The following AFAP1L2 variants were observed in gnomAD, a reference collection of about 807,000 sequenced individuals.
AFAP1L2 encodes the protein actin filament associated protein 1 like 2, also known as actin filament-associated protein 1-like 2.
A neutral mutation model predicts 99.3 loss-of-function variants in AFAP1L2; 46 were observed. The ratio of observed to expected loss-of-function variants is 0.46; its 90% CI spans 0.37 to 0.59. The LOEUF is 0.59. Among genes scored for constraint, AFAP1L2 ranks in the 20% least tolerant of loss-of-function variants. The pLI is 0.00. For synonymous variants in AFAP1L2, 397 were observed against 419.1 expected (o/e 0.95, Z 0.64); for missense variants, 959 against 1,034.9 (o/e 0.93, Z 1.01).
At chr10:114,352,547 C>T (rs1327037236) in intron 1 of AFAP1L2, among the ~76,000 whole-genome samples, 1 of 143,264 alleles carries the variant, frequency 7.0e-6, no homozygotes, top group Non-Finnish European at 1.5e-5. Context: ...TAAATTATGT[C>T]CTGGTAGACA....
rs2040047252 is a variant in AFAP1L2, at chr10:114,295,373, C to T, written c.*669G>A. 2 of 985,514 alleles carry T rather than the reference C, an allele frequency of 2.0e-6. No homozygotes were observed. Among genetic ancestry groups the T allele is most frequent in the African/African-American group, 3.5e-5 (2 of 57,202 alleles). 61.0% of individuals were successfully genotyped at this position (985,514 alleles called of 1,614,324 possible). ...AAATTTTATTTAAAGACAGTTGATTCAGGCCTGCCTTGGACTGGAAAGAAG... is the reference window on the plus strand; with the variant it reads ...AAATTTTATTTAAAGACAGTTGATTTAGGCCTGCCTTGGACTGGAAAGAAG... On this transcript the variant is annotated 3_prime_UTR_variant, in exon 19 of 19. Transcript: ENST00000304129.
At position 114,340,641 on chromosome 10, in the gene AFAP1L2, C is replaced by CAGCT. The variant is rs2048685859; in HGVS notation, c.103_106dup (p.Cys36Ter). 2 of 1,614,248 alleles carry CAGCT rather than the reference C, an allele frequency of 1.2e-6. No individual in the cohort carries two copies. Among genetic ancestry groups the CAGCT allele is most frequent in the East Asian group, 4.5e-5 (2 of 44,894 alleles). On this transcript the variant is annotated stop_gained and frameshift_variant, in exon 2 of 19. Transcript: ENST00000304129. LOFTEE classifies it high-confidence loss of function. ...GTAAAGCCGGAGGAGCTCCGCCAGG[C>CAGCT]AGCTCTTCTTCACCAGTGCTGTGCT...
intron 16 of AFAP1L2, 150 bp from the exon 17 acceptor site, chr10:114,297,563 C>T (rs1238421644): frequency 3.6e-6 from 3 of 836,824 alleles, no homozygotes; most frequent in Non-Finnish European, 5.5e-6. Flanking sequence ...GGCCTGTATG[C>T]CGGGGCAGCC....
At chr10:114,367,669 C>G (rs2053482478) in intron 1 of AFAP1L2, among the ~76,000 whole-genome samples, 1 of 152,170 alleles carries the variant, frequency 6.6e-6, no homozygotes, top group Non-Finnish European at 1.5e-5. Context: ...AATGAAGGCT[C>G]TGCTTGAACT....
chr10:114,361,396 A>T (rs926068032), intron 1 of AFAP1L2, among the ~76,000 whole-genome samples: 3 of 152,238 alleles, frequency 2.0e-5, no homozygotes, highest in African/African-American at 4.8e-5. Flanking sequence ...GCCTTAACCT[A>T]TCCCAGTCCA....
At chr10:114,327,147 T>TTATATATATATATATATATATATATC (rs2046426170) in intron 4 of AFAP1L2, among the ~76,000 whole-genome samples, 1 of 54,538 alleles carries the variant, frequency 1.8e-5, no homozygotes, top group Non-Finnish European at 4.9e-5. Flanking sequence ...TTATATATAT[T>TTATATATATATATATATATATATATC]TATATATATA....
chr10:114,319,716 G>A (rs1257469467), intron 5 of AFAP1L2: 1 of 1,132,142 alleles, frequency 8.8e-7, no homozygotes, highest in East Asian at 5.9e-5. Context: ...GCACGCCCAA[G>A]TGCAGAGACA....
At position 114,296,053 on chromosome 10, in the gene AFAP1L2, C is replaced by G. The variant is rs1564763940; in HGVS notation, c.2446G>C (p.Gly816Arg). The change falls in exon 19 of 19, where the codon GGA becomes CGA. Residue 816 changes from glycine to arginine, a missense_variant. Around this residue, in one of 2 missense-constraint regions of AFAP1L2, gnomAD observed 576 missense variants for 562.1 expected, o/e 1.02. Coordinates refer to ENST00000304129, the MANE Select transcript of AFAP1L2 (RefSeq NM_001001936.3). The stretch of plus-strand genomic sequence containing the variant: ...ATGAAGCTTGTTTTCTAACTTGCTC[C>G]TTTCTTCTCCCATTCCTAGGGTACC... ...LQKAKEWEKK[G>R]AS The G allele has an allele frequency of 6.2e-7, 1 of 1,614,132 alleles. No homozygotes were observed. The highest frequency in any genetic ancestry group is 1.3e-5 in the African/African-American group (1 of 75,048).
chr10:114,337,416 A>G (rs2048142488), intron 2 of AFAP1L2, among the ~76,000 whole-genome samples: 1 of 152,266 alleles, frequency 6.6e-6, no homozygotes, highest in African/African-American at 2.4e-5. Flanking sequence ...AGGGGTACAA[A>G]GAGGACCAGG....
intron 1 of AFAP1L2, among the ~76,000 whole-genome samples, chr10:114,365,453 A>C (rs1266743790): frequency 2.0e-5 from 3 of 152,228 alleles, no homozygotes; most frequent in Non-Finnish European, 4.4e-5. Context: ...CTAGAATGAA[A>C]ATATAAAATT....
chr10:114,327,625 G>A (rs1346083572), intron 4 of AFAP1L2, among the ~76,000 whole-genome samples: 3 of 152,114 alleles, frequency 2.0e-5, no homozygotes, highest in African/African-American at 4.8e-5. Context: ...GTGGCCACTC[G>A]GGACCTCTGT....
chr10:114,289,622 T>C, the AFAP1L2 span: 1 of 975,656 alleles, frequency 1.0e-6, no homozygotes, highest in Non-Finnish European at 1.6e-6. Context: ...CCAGGTTCTG[T>C]GCTAAACCCC....
In AFAP1L2 at chr10:114,297,306, T is replaced by A; in HGVS notation, c.2221A>T (p.Lys741Ter). The A allele has an allele frequency of 3.7e-6, 6 of 1,613,984 alleles. No homozygotes were observed. Among genetic ancestry groups the A allele is most frequent in the Non-Finnish European group, 5.1e-6 (6 of 1,180,006 alleles). The change falls in exon 17 of 19, where the codon AAG (lysine) becomes TAG (stop). Residue 741 changes from lysine (K) to a stop codon, truncating the protein, a stop_gained. Coordinates refer to ENST00000304129, the MANE Select transcript of AFAP1L2 (RefSeq NM_001001936.3). LOFTEE classifies it high-confidence loss of function. ...VDLELSIMEV[K>*]DNLKKAEAGP... Reference sequence around the variant, plus strand: ...GCCTCAGCCTTCTTCAGGTTGTCCTTCACCTCCATGATGCTGAGCTCCAGG... The same window carrying A: ...GCCTCAGCCTTCTTCAGGTTGTCCTACACCTCCATGATGCTGAGCTCCAGG...
At chr10:114,324,459 C>G (rs546641422) in intron 4 of AFAP1L2, among the ~76,000 whole-genome samples, 2 of 145,232 alleles carry the variant, frequency 1.4e-5, no homozygotes, top group African/African-American at 2.6e-5. Flanking sequence ...ATCATGTTGG[C>G]CAGGCTGGTC....
At chr10:114,398,111 G>A (rs1053906135) in intron 1 of AFAP1L2, among the ~76,000 whole-genome samples, 4 of 152,162 alleles carry the variant, frequency 2.6e-5, no homozygotes, top group South Asian at 2.1e-4. Flanking sequence ...CCTTCTCCCC[G>A]CTCAATGCAG....
At chr10:114,337,433 G>A (rs562644100) in intron 2 of AFAP1L2, among the ~76,000 whole-genome samples, 2 of 152,382 alleles carry the variant, frequency 1.3e-5, no homozygotes, top group South Asian at 4.1e-4. Context: ...CAGGAGGGAA[G>A]TTCCGTTAAA....
At chr10:114,348,742 G>C (rs1207881824) in intron 1 of AFAP1L2, among the ~76,000 whole-genome samples, 2 of 152,098 alleles carry the variant, frequency 1.3e-5, no homozygotes, top group Admixed American at 6.5e-5. Flanking sequence ...GGAATCACTG[G>C]GGAAACTTAT....
At chr10:114,314,266 A>C in intron 6 of AFAP1L2, among the ~76,000 whole-genome samples, 1 of 152,114 alleles carries the variant, frequency 6.6e-6, no homozygotes, top group East Asian at 1.9e-4. Flanking sequence ...CTCTCCCTCA[A>C]GCCTCCTTCT....
intron 8 of AFAP1L2, among the ~76,000 whole-genome samples, chr10:114,308,736 C>T (rs930112869): frequency 6.6e-6 from 1 of 152,236 alleles, no homozygotes; most frequent in Non-Finnish European, 1.5e-5. Flanking sequence ...GACCCTGTAG[C>T]CAGTGGGCAG....
Sources: gnomAD v4.1 joint callset for allele counts (sites outside exome capture counted in the v4.1 genomes callset) on GRCh38, gnomAD v4.1.1 for gene constraint, gnomAD v4.1.1 regional missense constraint, MANE v1.5 for transcripts, NCBI Gene and HGNC (gene_info 2026-07-23, HGNC 2026-07-21) for gene names.